Variants in NXPE3 observed in about 807,000 individuals in gnomAD.
NXPE3 encodes the protein neurexophilin and PC-esterase domain family member 3.
NXPE3 carries 26 observed loss-of-function variants against 46.1 expected under a neutral mutation model. That is an observed-to-expected ratio of 0.56 (90% CI 0.41 to 0.78). The LOEUF (loss-of-function observed/expected upper bound fraction) is 0.78, where lower values mean the gene tolerates loss of function less well. NXPE3 is among the 30% of genes least tolerant of loss of function. The pLI is 0.00. For missense variants in NXPE3, 620 were observed against 686.0 expected (o/e 0.90, Z 1.07); for synonymous variants, 272 against 257.9 (o/e 1.05, Z -0.52).
chr3:101,821,201 AAAT>A (rs1444200601), intron 7 of NXPE3, among the ~76,000 whole-genome samples, 200 bp from the exon 8 acceptor site: 3 of 152,196 alleles, frequency 2.0e-5, no homozygotes, highest in Non-Finnish European at 2.9e-5. Context: ...GTAATAATTT[AAAT>A]AATAAACATG....
chr3:101,808,825 A>ATATATATATATATATT (rs1941557946), intron 6 of NXPE3, among the ~76,000 whole-genome samples: 1 of 90,162 alleles, frequency 1.1e-5, no homozygotes, highest in Non-Finnish European at 2.2e-5. Flanking sequence ...GAGGATATAT[A>ATATATATATATATATT]TATATATATA....
At chr3:101,812,493 C>T (rs1941757323) in intron 6 of NXPE3, among the ~76,000 whole-genome samples, 1 of 152,098 alleles carries the variant, frequency 6.6e-6, no homozygotes, top group African/African-American at 2.4e-5. Flanking sequence ...CCAAGTCACT[C>T]TGTGACTTGC....
chr3:101,784,918 G>T (rs545278973), intron 3 of NXPE3, among the ~76,000 whole-genome samples: 9 of 152,190 alleles, frequency 5.9e-5, no homozygotes, highest in Non-Finnish European at 1.0e-4. Context: ...CTCTGTATGA[G>T]AGGGGTAGCA....
chr3:101,794,523 G>T (rs181217286), intron 4 of NXPE3, among the ~76,000 whole-genome samples: 1 of 152,262 alleles, frequency 6.6e-6, no homozygotes, highest in African/African-American at 2.4e-5. Context: ...TCTAGATGGA[G>T]TTCGAAATAA....
intron 4 of NXPE3, among the ~76,000 whole-genome samples, chr3:101,792,885 C>A (rs930527239): frequency 6.6e-6 from 1 of 152,098 alleles, no homozygotes; most frequent in African/African-American, 2.4e-5. Context: ...ATTGATTCTT[C>A]TTATTAATGA....
intron 7 of NXPE3, among the ~76,000 whole-genome samples, chr3:101,818,966 T>A (rs1056950783): frequency 2.0e-5 from 3 of 151,498 alleles, no homozygotes; most frequent in African/African-American, 7.3e-5. Context: ...GGTTTCACCG[T>A]GTTGGCCAGG....
rs878908176 is a variant in NXPE3, at chr3:101,816,909, A to G, written c.1037A>G (p.Asn346Ser). The G allele has an allele frequency of 6.2e-7, 1 of 1,614,168 alleles. No homozygotes were observed. The highest frequency in any genetic ancestry group is 8.5e-7 in the Non-Finnish European group (1 of 1,179,998). ...FKMRQFNDPD[N>S]ITECLQRKVV... The stretch of plus-strand genomic sequence containing the variant: ...ATGCGTCAGTTTAATGACCCTGACA[A>G]CATTACAGAGTGCTTACAAAGAAAA... The change falls in exon 7 of 8, where the codon AAC becomes AGC. Residue 346 changes from asparagine to serine, a missense_variant. Physicochemically the swap from Asn to Ser is conservative, Grantham distance 46. This residue lies in a region of NXPE3 where 511 missense variants were observed against 528.6 expected (regional missense o/e 0.97). Coordinates refer to ENST00000273347, the MANE Select transcript of NXPE3 (RefSeq NM_145037.4).
intron 5 of NXPE3, among the ~76,000 whole-genome samples, chr3:101,806,006 A>G (rs142675396): frequency 0.01 from 1,563 of 152,194 alleles, 15 homozygotes; most frequent in Non-Finnish European, 0.018. Context: ...TATTTAAGCT[A>G]TGAAATTTGA....
chr3:101,788,544 C>G (rs1940322650), intron 4 of NXPE3, among the ~76,000 whole-genome samples: 1 of 152,088 alleles, frequency 6.6e-6, no homozygotes, highest in African/African-American at 2.4e-5. Flanking sequence ...ACTTTGTTAT[C>G]CTTTAAAAAA....
chr3:101,809,791 T>A (rs1941629288), intron 6 of NXPE3, among the ~76,000 whole-genome samples: 1 of 152,238 alleles, frequency 6.6e-6, no homozygotes, highest in African/African-American at 2.4e-5. Flanking sequence ...TTGGCTTCTT[T>A]GTGCCCTTTT....
At chr3:101,793,708 C>T (rs563117128) in intron 4 of NXPE3, among the ~76,000 whole-genome samples, 3 of 121,340 alleles carry the variant, frequency 2.5e-5, no homozygotes, top group South Asian at 5.7e-4. Context: ...TGTATAAACT[C>T]AGGTTATTGT....
At chr3:101,793,201 C>T (rs575083578) in intron 4 of NXPE3, among the ~76,000 whole-genome samples, 7 of 152,252 alleles carry the variant, frequency 4.6e-5, no homozygotes, top group East Asian at 1.9e-4. Flanking sequence ...AGAATCATGT[C>T]GTCTGCAAAC....
intron 6 of NXPE3, among the ~76,000 whole-genome samples, chr3:101,811,110 G>A (rs999003117): frequency 6.6e-6 from 1 of 152,094 alleles, no homozygotes; most frequent in Admixed American, 6.5e-5. Context: ...CGTGAGCCAC[G>A]CGCCCGGCCT....
In NXPE3 at chr3:101,825,073, G is replaced by A. The variant is rs895671620; in HGVS notation, c.*3119G>A. 4 of 152,080 alleles carry A rather than the reference G, an allele frequency of 2.6e-5. No individual in the cohort carries two copies. Among genetic ancestry groups the A allele is most frequent in the Non-Finnish European group, 5.9e-5 (4 of 68,004 alleles). 9.4% of individuals were successfully genotyped at this position (152,080 alleles called of 1,614,324 possible). A position where few individuals can be genotyped will look rare whatever the true frequency, so the allele number is the denominator to read the frequency against. ...TCATAGGTAAACTTACGTCATGGGG[G>A]TTTGTTGTATAGATGATTTCATCAC... On this transcript the variant is annotated 3_prime_UTR_variant, in exon 8 of 8. Transcript: ENST00000273347.
chr3:101,817,515 G>T (rs560661537), intron 7 of NXPE3, among the ~76,000 whole-genome samples: 1 of 152,308 alleles, frequency 6.6e-6, no homozygotes, highest in South Asian at 2.1e-4. Context: ...TACCATTGGT[G>T]TGACTCTGAG....
At chr3:101,808,856 T>TATATATATATATATATAA (rs1941575402) in intron 6 of NXPE3, among the ~76,000 whole-genome samples, 3 of 127,660 alleles carry the variant, frequency 2.3e-5, no homozygotes, top group African/African-American at 6.1e-5. Context: ...TATATATATA[T>TATATATATATATATATAA]GAGACATTTA....
At position 101,821,796 on chromosome 3, in the gene NXPE3, A is replaced by G. The variant is rs200530322; in HGVS notation, c.1522A>G (p.Ile508Val). Residue 508 changes from isoleucine (I) to valine (V), a missense_variant, in exon 8 of 8, where the codon ATC becomes GTC. Transcript: ENST00000273347. ...CTGGTACAACTTTCAGCTGGACACC[A>G]TCCTTCGGAGGATGTTCTCAGGGGT... ...SDWYNFQLDT[I>V]LRRMFSGVGV... 5.0e-6 allele frequency: 8 copies of G among 1,614,178 alleles called. No individual in the cohort carries two copies. The highest frequency in any genetic ancestry group is 1.1e-5 in the South Asian group (1 of 91,080).
intron 5 of NXPE3, among the ~76,000 whole-genome samples, chr3:101,806,308 G>T (rs903410927): frequency 2.0e-5 from 3 of 151,932 alleles, no homozygotes; most frequent in African/African-American, 7.2e-5. Context: ...TAGTTTTATT[G>T]TGACTCAGTT....
intron 7 of NXPE3, among the ~76,000 whole-genome samples, chr3:101,819,230 ATTTAC>A (rs1189219167): frequency 6.6e-6 from 1 of 152,174 alleles, no homozygotes; most frequent in Non-Finnish European, 1.5e-5. Context: ...GATTGTCAAC[ATTTAC>A]TTAAGGCACT....
Sources: allele counts gnomAD v4.1 joint callset (sites outside exome capture counted in the v4.1 genomes callset), GRCh38; gene constraint gnomAD v4.1.1; regional missense constraint gnomAD v4.1.1; transcripts MANE v1.5; gene names NCBI Gene and HGNC (gene_info 2026-07-23, HGNC 2026-07-21).